The following PAK3 variants were observed in gnomAD, a reference collection of about 807,000 sequenced individuals.
PAK3 encodes the protein serine/threonine-protein kinase PAK 3.
Under a neutral mutation model 41.0 loss-of-function variants are expected in PAK3, and 4 were observed. The ratio of observed to expected loss-of-function variants is 0.10; its 90% CI spans 0.05 to 0.22. PAK3 has a LOEUF of 0.22. Ranked by LOEUF, PAK3 falls within the 10% of genes least tolerant of loss-of-function variation. The pLI is 1.00. For missense variants in PAK3, 205 were observed against 409.9 expected (o/e 0.50, Z 4.32); for synonymous variants, 146 against 139.6 (o/e 1.05, Z -0.32).
chrX:110,975,489 G>A (rs1381733102), intron 1 of PAK3, among the ~76,000 whole-genome samples: 9 of 111,918 alleles, frequency 8.0e-5, no homozygotes, highest in Admixed American at 4.7e-4. Flanking sequence ...AACATTCCAC[G>A]CTCATGGATA....
chrX:111,123,478 A>G (rs1025722702), intron 5 of PAK3, among the ~76,000 whole-genome samples, 200 bp downstream of exon 5: 3 of 112,744 alleles, frequency 2.7e-5, no homozygotes, highest in Non-Finnish European at 5.6e-5. Flanking sequence ...CATTTACACT[A>G]TGTTTGCTTT....
chrX:111,144,955 T>A, intron 6 of PAK3: 1 of 817,955 alleles, frequency 1.2e-6, no homozygotes, highest in Non-Finnish European at 1.8e-6. Flanking sequence ...TTTCTTATGA[T>A]AAGATAAATG....
At chrX:111,130,628 T>C (rs1203117836) in intron 5 of PAK3, among the ~76,000 whole-genome samples, 1 of 111,942 alleles carries the variant, frequency 8.9e-6, no homozygotes, top group Non-Finnish European at 1.9e-5. Flanking sequence ...TGAGATTTGC[T>C]AATATAATAA....
chrX:111,044,184 A>T (rs939240073), intron 1 of PAK3, among the ~76,000 whole-genome samples: 1 of 112,034 alleles, frequency 8.9e-6, no homozygotes, highest in Non-Finnish European at 1.9e-5. Flanking sequence ...TAGATGGGAA[A>T]ATTCCATGAA....
intron 1 of PAK3, among the ~76,000 whole-genome samples, chrX:110,947,621 T>C (rs1486128582): frequency 8.9e-6 from 1 of 112,070 alleles, no homozygotes; most frequent in Non-Finnish European, 1.9e-5. Context: ...CTGCAGGGCT[T>C]CTAAAAGTCT....
At position 111,107,199 on chromosome X, in the gene PAK3, G is replaced by A. The variant is rs147226321; in HGVS notation, c.-28+3893G>A. 8.5e-3 allele frequency among the ~76,000 whole-genome samples: 955 copies of A among 111,839 alleles called. 17 individuals are homozygous for A. In the South Asian group the frequency reaches 0.11, roughly 13 times the overall value. On this transcript the variant is annotated intron_variant, in intron 4 of 17. Transcript: ENST00000372007. Reference sequence around the variant, plus strand: ...GCTGATTACACACATGGAAAGGGCAGGCCTGCTTCCACCAGGCACCTCTAA... The same window carrying A: ...GCTGATTACACACATGGAAAGGGCAAGCCTGCTTCCACCAGGCACCTCTAA...
At chrX:111,083,274 A>G (rs1202944181) in intron 1 of PAK3, among the ~76,000 whole-genome samples, 2 of 111,990 alleles carry the variant, frequency 1.8e-5, no homozygotes, top group Non-Finnish European at 3.8e-5. Flanking sequence ...CTTTTTCTTC[A>G]TAAGATTTGG....
chrX:111,225,710 A>G lies in PAK3; in HGVS notation c.*5263A>G, dbSNP rs2094949534. 2 of 112,078 alleles carry G rather than the reference A, an allele frequency of 1.8e-5. No homozygotes were observed. The highest frequency in any genetic ancestry group is 6.5e-5 in the African/African-American group (2 of 30,786). 9.2% of individuals were successfully genotyped at this position (112,078 alleles called of 1,213,427 possible). On this transcript the variant is annotated 3_prime_UTR_variant, in exon 18 of 18. Transcript: ENST00000372007. ...CCATGGCTGTTTCCTCATCTGTAAA[A>G]TAAGTGTATTGGACTAGATGATCCT...
chrX:110,979,530 C>T (rs1343330139), intron 1 of PAK3, among the ~76,000 whole-genome samples: 1 of 111,031 alleles, frequency 9.0e-6, no homozygotes, highest in Non-Finnish European at 1.9e-5. Flanking sequence ...ATCTCCTGAC[C>T]TCGTGATCTG....
chrX:111,003,612 A>C (rs180924339), intron 1 of PAK3, among the ~76,000 whole-genome samples: 1 of 111,544 alleles, frequency 9.0e-6, no homozygotes, highest in Admixed American at 9.6e-5. Context: ...TACCATTACA[A>C]AAAGTAGTAT....
At chrX:111,071,720 G>T (rs1216797633) in intron 1 of PAK3, among the ~76,000 whole-genome samples, 1 of 111,820 alleles carries the variant, frequency 8.9e-6, no homozygotes, top group African/African-American at 3.2e-5. Context: ...TCACACAGGT[G>T]GTTTATCTTG....
intron 4 of PAK3, among the ~76,000 whole-genome samples, chrX:111,113,960 C>A (rs1001451889): frequency 3.6e-5 from 4 of 111,958 alleles, no homozygotes; most frequent in South Asian, 3.8e-4. Context: ...TGAACTCATC[C>A]TTTTTTATGG....
At chrX:110,982,203 C>G (rs1193055540) in intron 1 of PAK3, among the ~76,000 whole-genome samples, 1 of 111,396 alleles carries the variant, frequency 9.0e-6, no homozygotes, top group African/African-American at 3.3e-5. Flanking sequence ...TTTGGAATCC[C>G]TGTTGTAAAG....
chrX:110,997,915 A>G (rs989014987), intron 1 of PAK3, among the ~76,000 whole-genome samples: 1 of 111,376 alleles, frequency 9.0e-6, no homozygotes, highest in Non-Finnish European at 1.9e-5. Context: ...GATGCCGTCT[A>G]TGAGAAAGCG....
chrX:110,984,988 G>C (rs1376708477), intron 1 of PAK3, among the ~76,000 whole-genome samples: 1 of 111,180 alleles, frequency 9.0e-6, no homozygotes, highest in East Asian at 2.8e-4. Context: ...AATTAGCCAG[G>C]CGTGTTGGTG....
chrX:111,177,666 A>AATAAAT (rs1283283620), intron 11 of PAK3, among the ~76,000 whole-genome samples: 1 of 112,061 alleles, frequency 8.9e-6, no homozygotes, highest in Non-Finnish European at 1.9e-5. Flanking sequence ...AGTTATATAA[A>AATAAAT]ATAACTTGTT....
At chrX:110,976,740 A>C (rs1423097769) in intron 1 of PAK3, among the ~76,000 whole-genome samples, 2 of 112,135 alleles carry the variant, frequency 1.8e-5, no homozygotes, top group South Asian at 3.7e-4. Flanking sequence ...CTGGATTAAG[A>C]AAATGTGACA....
chrX:111,066,886 C>T (rs889198445), intron 1 of PAK3, among the ~76,000 whole-genome samples: 1 of 111,701 alleles, frequency 9.0e-6, no homozygotes, highest in African/African-American at 3.3e-5. Context: ...AAATAACTTG[C>T]TCAGAGTCTC....
In PAK3 at chrX:110,997,050, C is replaced by T. The variant is rs757018070; in HGVS notation, c.-28+52422C>T. Among the ~76,000 whole-genome samples, 9 of 111,742 alleles carry T rather than the reference C, an allele frequency of 8.1e-5. No homozygotes were observed. The South Asian group carries it at 2.2e-3, about 28-fold the overall frequency. ...TATAGATCTGCAGCTATTTGGATGACGAACTTTTAAGGCAAAGAAGAGTCT... is the reference window on the plus strand; with the variant it reads ...TATAGATCTGCAGCTATTTGGATGATGAACTTTTAAGGCAAAGAAGAGTCT... On this transcript the variant is annotated intron_variant, in intron 1 of 14. Transcript: ENST00000425146.
Sources: gnomAD v4.1 joint callset for allele counts (sites outside exome capture counted in the v4.1 genomes callset) on GRCh38, gnomAD v4.1.1 for gene constraint, MANE v1.5 for transcripts, NCBI Gene and HGNC (gene_info 2026-07-23, HGNC 2026-07-21) for gene names.